UBE2K: variants seen among roughly 807,000 people sequenced by gnomAD.
UBE2K encodes ubiquitin conjugating enzyme E2 K, also known as ubiquitin-conjugating enzyme E2 K.
In UBE2K, 6 loss-of-function variants were observed where a neutral mutation model predicts 30.0. The ratio of observed to expected loss-of-function variants is 0.20; its 90% confidence interval spans 0.11 to 0.39. The LOEUF (loss-of-function observed/expected upper bound fraction) is 0.39. Ranked by LOEUF, UBE2K falls within the 10% of genes least tolerant of loss-of-function variation. The pLI is 1.00. For missense variants in UBE2K, 61 were observed against 241.6 expected (o/e 0.25, Z 4.96); for synonymous variants, 86 against 83.7 (o/e 1.03, Z -0.15).
At chr4:39,715,992 A>G (rs565338810) in intron 1 of UBE2K, among the ~76,000 whole-genome samples, 2 of 152,342 alleles carry the variant, frequency 1.3e-5, no homozygotes, top group East Asian at 3.9e-4. Context: ...TACAGAACAC[A>G]GAGTGAGTTC....
intron 1 of UBE2K, among the ~76,000 whole-genome samples, chr4:39,716,349 G>T (rs1719058868): frequency 6.6e-6 from 1 of 152,172 alleles, no homozygotes; most frequent in African/African-American, 2.4e-5. Flanking sequence ...TTGGGCTTAA[G>T]TGATCCTCCC....
At chr4:39,765,760 G>A (rs564546618) in intron 4 of UBE2K, among the ~76,000 whole-genome samples, 2 of 152,160 alleles carry the variant, frequency 1.3e-5, no homozygotes, top group South Asian at 2.1e-4. Flanking sequence ...AGTGAGCCAA[G>A]ATTGTGCCAC....
chr4:39,737,619 A>T (rs1332881312), intron 2 of UBE2K, 106 bp downstream of exon 2: 2 of 716,258 alleles, frequency 2.8e-6, no homozygotes, highest in Non-Finnish European at 4.5e-6. Context: ...GGGTAACTTC[A>T]TTTGGTTTAG....
rs879776892 is a variant in UBE2K at position 39,714,546 on chromosome 4, A to ATTTT, written c.63+16157_63+16158insTTTT. 4.1e-3 allele frequency: 104 copies of ATTTT among 25,262 alleles called. 5 individuals are homozygous for ATTTT. Among genetic ancestry groups the ATTTT allele is most frequent in the African/African-American group, 4.9e-3 (24 of 4,928 alleles). 1.6% of individuals were successfully genotyped at this position (25,262 alleles called of 1,614,324 possible). On this transcript the variant is annotated intron_variant, in intron 1 of 6. Coordinates refer to ENST00000261427, the MANE Select transcript of UBE2K (RefSeq NM_005339.5). ...TATATATATATATATATATATATAT[A>ATTTT]TATATTTTTTTTTTTTTTTAAGACT...
rs1188305035 is a variant in UBE2K, at chr4:39,704,289, TTTTTA to T, written c.63+5909_63+5913del. On this transcript the variant is annotated intron_variant, in intron 1 of 6. Coordinates refer to ENST00000261427, the MANE Select transcript of UBE2K (RefSeq NM_005339.5). ...AAAAAAGTGGTTTTTAAAGTTTTTA[TTTTTA>T]TTTTATTTTTTCAAAAGTGTGTTTG... is the stretch of plus-strand genomic sequence containing the variant. Among the ~76,000 whole-genome samples, 6 of 152,046 alleles carry T rather than the reference TTTTTA, an allele frequency of 3.9e-5. 1 individual carries two copies. The highest frequency in any genetic ancestry group is 3.2e-3 in the Middle Eastern group (1 of 316).
intron 4 of UBE2K, chr4:39,771,488 AT>A (rs1560380038): frequency 6.7e-7 from 1 of 1,493,592 alleles, no homozygotes; most frequent in South Asian, 1.3e-5. Flanking sequence ...TTTTTTTTTA[AT>A]CCCCTATTTT....
chr4:39,750,150 C>T lies in UBE2K; in HGVS notation c.216+4340C>T, dbSNP rs28588288. Among the ~76,000 whole-genome samples, 894 of 151,980 alleles carry T rather than the reference C, an allele frequency of 5.9e-3. 7 individuals carry two copies. The highest frequency in any genetic ancestry group is 0.021 in the African/African-American group (849 of 41,410). ...CGGAGGTTGCAGTAAGCTAAGATCG[C>T]ACCACTGCACTCCAGCCTGGACGAC... is the stretch of plus-strand genomic sequence containing the variant. On this transcript the variant is annotated intron_variant, in intron 3 of 6. Transcript: ENST00000261427.
chr4:39,707,449 C>T (rs1465199314), intron 1 of UBE2K, among the ~76,000 whole-genome samples: 1 of 151,912 alleles, frequency 6.6e-6, no homozygotes, highest in Non-Finnish European at 1.5e-5. Context: ...ATCCGCCTGC[C>T]TTGGCTTCTC....
At chr4:39,747,216 T>A (rs553803526) in intron 3 of UBE2K, among the ~76,000 whole-genome samples, 1 of 152,350 alleles carries the variant, frequency 6.6e-6, no homozygotes, top group Non-Finnish European at 1.5e-5. Flanking sequence ...GACATAAAAT[T>A]TACCATTGTA....
At chr4:39,747,245 G>C (rs1391231733) in intron 3 of UBE2K, among the ~76,000 whole-genome samples, 1 of 152,154 alleles carries the variant, frequency 6.6e-6, no homozygotes, top group African/African-American at 2.4e-5. Flanking sequence ...TATGTGTGCA[G>C]TTCAGTGGCA....
intron 4 of UBE2K, among the ~76,000 whole-genome samples, chr4:39,768,213 C>T (rs1056444790): frequency 1.4e-5 from 2 of 146,912 alleles, no homozygotes; most frequent in African/African-American, 2.5e-5. Context: ...CAGAAGTGGA[C>T]GGTTCACCTG....
In UBE2K at chr4:39,776,868, G is replaced by A. The variant is rs115778444; in HGVS notation, c.400-814G>A. ...TCCTATTGAGCTCTAAGCCTTACAC[G>A]TTGAGGTTGGACTCAAGGGTTTCTT... On this transcript the variant is annotated intron_variant, in intron 5 of 6. Coordinates refer to ENST00000261427, the MANE Select transcript of UBE2K (RefSeq NM_005339.5). Among the ~76,000 whole-genome samples, 821 of 152,210 alleles carry A rather than the reference G, an allele frequency of 5.4e-3. 10 individuals carry two copies. The highest frequency in any genetic ancestry group is 0.019 in the African/African-American group (777 of 41,542).
chr4:39,757,619 T>TA (rs1711580558), intron 4 of UBE2K, among the ~76,000 whole-genome samples: 3 of 152,192 alleles, frequency 2.0e-5, no homozygotes, highest in Non-Finnish European at 4.4e-5. Flanking sequence ...GGAATAGACT[T>TA]ACTTTTTATC....
intron 2 of UBE2K, among the ~76,000 whole-genome samples, chr4:39,738,288 T>C (rs576304016): frequency 2.4e-4 from 37 of 152,328 alleles, no homozygotes; most frequent in Non-Finnish European, 5.0e-4. Flanking sequence ...TTTTCTCATT[T>C]AATCCTTTCA....
chr4:39,729,598 A>G (rs1719960051), intron 1 of UBE2K, among the ~76,000 whole-genome samples: 1 of 152,076 alleles, frequency 6.6e-6, no homozygotes, highest in Non-Finnish European at 1.5e-5. Context: ...CTGGTTTCCT[A>G]AGTATTCTCT....
intron 4 of UBE2K, among the ~76,000 whole-genome samples, chr4:39,765,908 TATACATAC>T (rs146565301): frequency 5.5e-4 from 83 of 149,750 alleles, no homozygotes; most frequent in Admixed American, 2.0e-3. Context: ...AGGATATATA[TATACATAC>T]ATACATACAT....
intron 1 of UBE2K, among the ~76,000 whole-genome samples, chr4:39,702,402 G>A (rs1718084830): frequency 6.6e-6 from 1 of 151,586 alleles, no homozygotes; most frequent in African/African-American, 2.4e-5. Flanking sequence ...TTATAGGCAT[G>A]CACCACCATG....
At chr4:39,698,565 A>G (rs902222194) in intron 1 of UBE2K, among the ~76,000 whole-genome samples, 175 bp downstream of exon 1, 1 of 151,908 alleles carries the variant, frequency 6.6e-6, no homozygotes, top group Non-Finnish European at 1.5e-5. Context: ...CTCCCCTCCC[A>G]GAGCGCTAGG....
chr4:39,759,988 C>T (rs546844443), intron 4 of UBE2K, among the ~76,000 whole-genome samples: 4 of 151,932 alleles, frequency 2.6e-5, no homozygotes, highest in African/African-American at 9.7e-5. Context: ...CCAGCCTGGC[C>T]AACATGGTGA....
Sources: gnomAD v4.1 joint callset for allele counts (sites outside exome capture counted in the v4.1 genomes callset) on GRCh38, gnomAD v4.1.1 for gene constraint, MANE v1.5 for transcripts, NCBI Gene and HGNC (gene_info 2026-07-23, HGNC 2026-07-21) for gene names.